Variants in OR4S2 observed in about 807,000 individuals in gnomAD.
OR4S2 encodes olfactory receptor family 4 subfamily S member 2.
A neutral mutation model predicts 15.1 loss-of-function variants in OR4S2; 16 were observed. The ratio of observed to expected loss-of-function variants is 1.06; its 90% confidence interval spans 0.72 to 1.61. OR4S2 has a LOEUF of 1.61. Among genes scored for constraint, OR4S2 ranks in the 40% most tolerant of loss-of-function variants. The pLI, the probability that OR4S2 is intolerant of heterozygous loss-of-function variation, is 0.00. For missense variants in OR4S2, 362 were observed against 379.6 expected (o/e 0.95, Z 0.38); for synonymous variants, 133 against 136.3 (o/e 0.98, Z 0.17).
Position 55,649,066 on chromosome 11 carries a change from C to T in OR4S2, c.-37+516C>T, listed in dbSNP as rs1367998203. On this transcript the variant is annotated intron_variant, in intron 1 of 1. Coordinates refer to ENST00000641692, the MANE Select transcript of OR4S2 (RefSeq NM_001004059.3). ...TATGGACGGTAGGGGAAAAAATCCTCAGGCTTGTGTGCAAAAGCCCAGTTT... is the reference window on the plus strand; with the variant it reads ...TATGGACGGTAGGGGAAAAAATCCTTAGGCTTGTGTGCAAAAGCCCAGTTT... Among the ~76,000 whole-genome samples, 3 of 137,770 alleles carry T rather than the reference C, an allele frequency of 2.2e-5. 1 individual carries two copies. The highest frequency in any genetic ancestry group is 1.6e-4 in the Admixed American group (2 of 12,616). The allele number at this position is 137,770 out of a possible 152,430, so 90.4% of individuals were successfully genotyped here.
rs778723023 is a variant in OR4S2, at chr11:55,651,653, C to T, written c.750C>T (p.Gly250=). Residue 250 remains glycine, a synonymous_variant, in exon 2 of 2, where the codon GGC becomes GGT. Transcript: ENST00000641692. ...SHIAMVVIFF[G]PCTFMYMRPD... ...TTGCCATGGTCGTTATCTTTTTCGG[C>T]CCCTGTACTTTTATGTACATGCGCC... The T allele has an allele frequency of 1.9e-5, 28 of 1,492,592 alleles. 4 individuals carry two copies. The highest frequency in any genetic ancestry group is 1.9e-4 in the Middle Eastern group (1 of 5,238). 92.5% of individuals were successfully genotyped at this position (1,492,592 alleles called of 1,614,324 possible). A position where few individuals can be genotyped will look rare whatever the true frequency, so the allele number is the denominator to read the frequency against.
rs1228438684 is a variant in OR4S2 at position 55,652,015 on chromosome 11, T to C, written c.*176T>C. The C allele has an allele frequency of 2.8e-6, 1 of 351,846 alleles. No individual in the cohort carries two copies. Among genetic ancestry groups the C allele is most frequent in the African/African-American group, 2.1e-5 (1 of 47,784 alleles). The allele number at this position is 351,846 out of a possible 1,614,324, so 21.8% of individuals were successfully genotyped here. A position where few individuals can be genotyped will look rare whatever the true frequency, so the allele number is the denominator to read the frequency against. On this transcript the variant is annotated 3_prime_UTR_variant, in exon 2 of 2. Coordinates refer to ENST00000641692, the MANE Select transcript of OR4S2 (RefSeq NM_001004059.3). ...ATTATAGCATTTTTATACTATTTCATAATTAGATAACTTCCTGAAATATCT... is the reference window on the plus strand; with the variant it reads ...ATTATAGCATTTTTATACTATTTCACAATTAGATAACTTCCTGAAATATCT...
At position 55,651,616 on chromosome 11, in the gene OR4S2, G is replaced by A. The variant is rs776261835; in HGVS notation, c.713G>A (p.Cys238Tyr). 1.4e-5 allele frequency: 21 copies of A among 1,490,518 alleles called. 4 individuals carry two copies. The African/African-American group carries it at 1.9e-4, about 14-fold the overall frequency. The allele number at this position is 1,490,518 out of a possible 1,614,324, so 92.3% of individuals were successfully genotyped here. A position where few individuals can be genotyped will look rare whatever the true frequency, so the allele number is the denominator to read the frequency against. The stretch of plus-strand genomic sequence containing the variant: ...GGCAGGCGCAAAGCCCTCTCCACCT[G>A]TGGCTCCCACATTGCCATGGTCGTT... Reference protein sequence around the residue: ...AEGRRKALSTCGSHIAMVVIF... With the variant: ...AEGRRKALSTYGSHIAMVVIF... Residue 238 changes from cysteine (C) to tyrosine (Y), a missense_variant, in exon 2 of 2, where the codon TGT becomes TAT. Transcript: ENST00000641692.
rs1273197306 is a variant in OR4S2 at position 55,651,416 on chromosome 11, G to A, written c.513G>A (p.Glu171=). ...VVQLPFCGPN[E]IDHYFCDVHP... Reference sequence around the variant, plus strand: ...AACTACCCTTTTGTGGACCCAATGAGATAGATCACTACTTTTGTGATGTTC... The same window carrying A: ...AACTACCCTTTTGTGGACCCAATGAAATAGATCACTACTTTTGTGATGTTC... The change falls in exon 2 of 2, where the codon GAG becomes GAA. Residue 171 remains glutamate (E), a synonymous_variant. Coordinates refer to ENST00000641692, the MANE Select transcript of OR4S2 (RefSeq NM_001004059.3). 1.1e-5 allele frequency: 16 copies of A among 1,490,390 alleles called. 1 individual carries two copies. The African/African-American group carries it at 2.2e-4, about 20-fold the overall frequency. The allele number at this position is 1,490,390 out of a possible 1,614,324, so 92.3% of individuals were successfully genotyped here. A position where few individuals can be genotyped will look rare whatever the true frequency, so the allele number is the denominator to read the frequency against.
Position 55,651,716 on chromosome 11 carries a change from A to C in OR4S2, c.813A>C (p.Val271=). ...TTFSEDKMVA[V]FYTIITPMLN... is the part of the protein sequence containing the mutation. The stretch of plus-strand genomic sequence containing the variant: ...TTTCAGAGGATAAGATGGTGGCTGT[A>C]TTTTACACCATTATCACTCCCATGT... Residue 271 remains valine, a synonymous_variant, in exon 2 of 2, where the codon GTA becomes GTC. Transcript: ENST00000641692. 2 of 1,464,892 alleles carry C rather than the reference A, an allele frequency of 1.4e-6. 1 individual carries two copies. Among genetic ancestry groups the C allele is most frequent in the Non-Finnish European group, 1.9e-6 (2 of 1,071,762 alleles). 90.7% of individuals were successfully genotyped at this position (1,464,892 alleles called of 1,614,324 possible). A position where few individuals can be genotyped will look rare whatever the true frequency, so the allele number is the denominator to read the frequency against.
Position 55,649,851 on chromosome 11 carries a change from G to A in OR4S2, c.-36-1017G>A, listed in dbSNP as rs1026685434. On this transcript the variant is annotated intron_variant, in intron 1 of 1. Coordinates refer to ENST00000641692, the MANE Select transcript of OR4S2 (RefSeq NM_001004059.3). ...TCTCTTTTTTACACCCATTTTCTTC[G>A]TTTCAGTTAATAGAAAAATGTTTAA... Among the ~76,000 whole-genome samples, 22 of 138,538 alleles carry A rather than the reference G, an allele frequency of 1.6e-4. 2 individuals are homozygous for A. The highest frequency in any genetic ancestry group is 7.1e-4 in the South Asian group (3 of 4,252). The allele number at this position is 138,538 out of a possible 152,430, so 90.9% of individuals were successfully genotyped here.
At position 55,651,492 on chromosome 11, in the gene OR4S2, G is replaced by C; in HGVS notation, c.589G>C (p.Val197Leu). 1.3e-6 allele frequency: 2 copies of C among 1,482,428 alleles called. 1 individual carries two copies. The highest frequency in any genetic ancestry group is 1.8e-6 in the Non-Finnish European group (2 of 1,087,890). 91.8% of individuals were successfully genotyped at this position (1,482,428 alleles called of 1,614,324 possible). Residue 197 changes from valine to leucine, a missense_variant, in exon 2 of 2, where the codon GTG becomes CTG. Val to Leu is a conservative substitution (Grantham distance 32). Transcript: ENST00000641692. ...CTETYIVGVV[V>L]TANSGTIALG... The stretch of plus-strand genomic sequence containing the variant: ...AGAAACATACATTGTTGGTGTTGTT[G>C]TGACAGCCAACAGTGGTACCATTGC...
chr11:55,650,774 G>A, intron 1 of OR4S2, 94 bp from the exon 2 acceptor site: 2 of 535,516 alleles, frequency 3.7e-6, no homozygotes, highest in South Asian at 4.7e-5. Flanking sequence ...ATGCCAATCA[G>A]CATTTTTTCC....
At position 55,651,273 on chromosome 11, in the gene OR4S2, A is replaced by G; in HGVS notation, c.370A>G (p.Ile124Val). The change falls in exon 2 of 2, where the codon ATC (isoleucine) becomes GTC (valine). Residue 124 changes from isoleucine (I) to valine (V), a missense_variant. Physicochemically the swap from Ile to Val is conservative, Grantham distance 29. Coordinates refer to ENST00000641692, the MANE Select transcript of OR4S2 (RefSeq NM_001004059.3). Reference protein sequence around the residue: ...TVMAYDRYVAICKPLHYMTIM... With the variant: ...TVMAYDRYVAVCKPLHYMTIM... ...AATGGCCTATGATCGTTATGTGGCT[A>G]TCTGTAAACCCCTACATTATATGAC... 6.7e-7 allele frequency: 1 copy of G among 1,481,924 alleles called. No individual in the cohort carries two copies. The highest frequency in any genetic ancestry group is 9.2e-7 in the Non-Finnish European group (1 of 1,087,552). 91.8% of individuals were successfully genotyped at this position (1,481,924 alleles called of 1,614,324 possible).
Position 55,650,899 on chromosome 11 carries a change from A to T in OR4S2, c.-5A>T, listed in dbSNP as rs765413517. 1.0e-4 allele frequency: 132 copies of T among 1,276,712 alleles called. 18 individuals are homozygous for T. Among genetic ancestry groups the T allele is most frequent in the Non-Finnish European group, 1.3e-4 (121 of 910,580 alleles). The allele number at this position is 1,276,712 out of a possible 1,614,324, so 79.1% of individuals were successfully genotyped here. On this transcript the variant is annotated 5_prime_UTR_variant, in exon 2 of 2. Coordinates refer to ENST00000641692, the MANE Select transcript of OR4S2 (RefSeq NM_001004059.3). ...TAATTGTCTCCTAAGAACTTGACCC[A>T]TTCCATGGAAAAAATAAACAACGTA...
At chr11:55,649,543 G>A (rs531928814) in intron 1 of OR4S2, among the ~76,000 whole-genome samples, 5 of 138,030 alleles carry the variant, frequency 3.6e-5, no homozygotes, top group African/African-American at 7.5e-5. Flanking sequence ...TTACACCTGC[G>A]GTTGATTAGC....
chr11:55,650,191 C>T (rs1033890604), intron 1 of OR4S2, among the ~76,000 whole-genome samples: 2 of 138,766 alleles, frequency 1.4e-5, no homozygotes, highest in African/African-American at 2.5e-5. Context: ...TTGGGGGTTA[C>T]AGTAGTATCA....
At chr11:55,649,635 C>T (rs1325322184) in intron 1 of OR4S2, among the ~76,000 whole-genome samples, 1 of 138,724 alleles carries the variant, frequency 7.2e-6, no homozygotes, top group Non-Finnish European at 1.6e-5. Context: ...CATTGTAGTG[C>T]CTGAAATTTC....
At position 55,651,424 on chromosome 11, in the gene OR4S2, A is replaced by T. The variant is rs1011060308; in HGVS notation, c.521A>T (p.His174Leu). 5 of 1,491,232 alleles carry T rather than the reference A, an allele frequency of 3.4e-6. 1 individual carries two copies. The highest frequency in any genetic ancestry group is 1.4e-5 in the African/African-American group (1 of 72,894). The allele number at this position is 1,491,232 out of a possible 1,614,324, so 92.4% of individuals were successfully genotyped here. A position where few individuals can be genotyped will look rare whatever the true frequency, so the allele number is the denominator to read the frequency against. ...LPFCGPNEIDHYFCDVHPVLK... is the reference protein window; with the variant it reads ...LPFCGPNEIDLYFCDVHPVLK... ...TTTTGTGGACCCAATGAGATAGATC[A>T]CTACTTTTGTGATGTTCACCCTGTG... Residue 174 changes from histidine (H) to leucine (L), a missense_variant, in exon 2 of 2, where the codon CAC becomes CTC. Coordinates refer to ENST00000641692, the MANE Select transcript of OR4S2 (RefSeq NM_001004059.3).
At position 55,651,845 on chromosome 11, in the gene OR4S2, C is replaced by A. The variant is rs1486385190; in HGVS notation, c.*6C>A. On this transcript the variant is annotated 3_prime_UTR_variant, in exon 2 of 2. Coordinates refer to ENST00000641692, the MANE Select transcript of OR4S2 (RefSeq NM_001004059.3). The stretch of plus-strand genomic sequence containing the variant: ...TGGAGGCTAAAGGGAAATAGTTGGA[C>A]TTAATAATTTAAGCTAGATGACCTT... 7.6e-6 allele frequency: 10 copies of A among 1,310,660 alleles called. 2 individuals carry two copies. The highest frequency in any genetic ancestry group is 1.1e-5 in the Non-Finnish European group (10 of 946,802). 81.2% of individuals were successfully genotyped at this position (1,310,660 alleles called of 1,614,324 possible). A position where few individuals can be genotyped will look rare whatever the true frequency, so the allele number is the denominator to read the frequency against.
chr11:55,649,665 T>G (rs2120199379), intron 1 of OR4S2, among the ~76,000 whole-genome samples: 1 of 139,158 alleles, frequency 7.2e-6, no homozygotes, highest in South Asian at 2.3e-4. Flanking sequence ...TATTCATCCA[T>G]TTAGATAAAT....
chr11:55,650,971 AAGTT>A lies in OR4S2; in HGVS notation c.69_72del (p.Lys23AsnfsTer11), dbSNP rs1858556642. On this transcript the variant is annotated frameshift_variant, in exon 2 of 2. Coordinates refer to ENST00000641692, the MANE Select transcript of OR4S2 (RefSeq NM_001004059.3). LOFTEE classifies it high-confidence loss of function. Reference sequence around the variant, plus strand: ...CTTTCTCAGAGCCCAGAGATTGAGAAAGTTTGTTTTGTGGTGTTTTCTTTCTTCT... The same window carrying A: ...CTTTCTCAGAGCCCAGAGATTGAGAATGTTTTGTGGTGTTTTCTTTCTTCT... 1 of 1,468,570 alleles carries A rather than the reference AAGTT, an allele frequency of 6.8e-7. No homozygotes were observed. The highest frequency in any genetic ancestry group is 2.0e-5 in the Admixed American group (1 of 50,040). The allele number at this position is 1,468,570 out of a possible 1,614,324, so 91.0% of individuals were successfully genotyped here.
chr11:55,651,002 C>A lies in OR4S2; in HGVS notation c.99C>A (p.Tyr33Ter), dbSNP rs369216050. 2 of 1,458,622 alleles carry A rather than the reference C, an allele frequency of 1.4e-6. No individual in the cohort carries two copies. Among genetic ancestry groups the A allele is most frequent in the Non-Finnish European group, 1.9e-6 (2 of 1,066,202 alleles). The allele number at this position is 1,458,622 out of a possible 1,614,324, so 90.4% of individuals were successfully genotyped here. The change falls in exon 2 of 2, where the codon TAC becomes TAA. Residue 33 changes from tyrosine to a stop codon, truncating the protein, a stop_gained. Coordinates refer to ENST00000641692, the MANE Select transcript of OR4S2 (RefSeq NM_001004059.3). LOFTEE classifies it high-confidence loss of function. ...KVCFVVFSFFYIIILLGNLLI... is the reference protein window; with the variant it reads ...KVCFVVFSFF ...GTTTTGTGGTGTTTTCTTTCTTCTA[C>A]ATAATCATTCTTCTGGGAAATCTCC...
rs1388961265 is a variant in OR4S2, at chr11:55,650,317, AG to A, written c.-36-550del. Among the ~76,000 whole-genome samples the A allele has an allele frequency of 2.2e-5, 3 of 139,120 alleles. 1 individual carries two copies. The highest frequency in any genetic ancestry group is 4.8e-5 in the Non-Finnish European group (3 of 62,500). The allele number at this position is 139,120 out of a possible 152,430, so 91.3% of individuals were successfully genotyped here. A position where few individuals can be genotyped will look rare whatever the true frequency, so the allele number is the denominator to read the frequency against. On this transcript the variant is annotated intron_variant, in intron 1 of 1. Transcript: ENST00000641692. ...GTGCATACATCATGTGCACAAAGAT[AG>A]AGTTTCATGAGAAGAACTTGCAAAG...
Sources: allele counts gnomAD v4.1 joint callset (sites outside exome capture counted in the v4.1 genomes callset), GRCh38; gene constraint gnomAD v4.1.1; transcripts MANE v1.5; gene names NCBI Gene and HGNC (gene_info 2026-07-23, HGNC 2026-07-21).